SLC30A6: variants seen among roughly 807,000 people sequenced by gnomAD.
The protein encoded by SLC30A6 is zinc transporter 6.
A neutral mutation model predicts 63.0 loss-of-function variants in SLC30A6; 55 were observed. That is an observed-to-expected ratio of 0.87 (90% CI 0.70 to 1.09). SLC30A6 has a LOEUF of 1.09. Among genes scored for constraint, SLC30A6 ranks in the 50% least tolerant of loss-of-function variants. SLC30A6 has a pLI of 0.00. For missense variants in SLC30A6, 587 were observed against 549.2 expected, an observed-to-expected ratio of 1.07 and a Z score of -0.69; for synonymous variants, 224 against 186.1, an observed-to-expected ratio of 1.20 and a Z score of -1.66.
chr2:32,194,118 C>T, intron 8 of SLC30A6, 135 bp downstream of exon 8: 2 of 561,652 alleles, frequency 3.6e-6, no homozygotes, highest in Non-Finnish European at 5.8e-6. Context: ...CAAATGTTCT[C>T]AAGTCTTTTT....
At chr2:32,207,027 T>C (rs1173477478) in intron 12 of SLC30A6, 94 bp downstream of exon 12, 1 of 1,027,252 alleles carries the variant, frequency 9.7e-7, no homozygotes, top group African/African-American at 1.6e-5. Context: ...TACCTAGAAT[T>C]TTATTTGAGG....
chr2:32,212,308 G>C (rs1181182702), intron 13 of SLC30A6, among the ~76,000 whole-genome samples: 1 of 151,818 alleles, frequency 6.6e-6, no homozygotes, highest in Non-Finnish European at 1.5e-5. Flanking sequence ...TAAAAAGTAG[G>C]TTATAGTTTT....
At chr2:32,201,728 C>A in intron 10 of SLC30A6, 2 of 1,326,580 alleles carry the variant, frequency 1.5e-6, no homozygotes, top group Non-Finnish European at 1.1e-6. Context: ...GATTATGGAC[C>A]TGTACTTCCC....
At chr2:32,191,573 ACTG>A (rs1683323467) in intron 5 of SLC30A6, among the ~76,000 whole-genome samples, 1 of 152,256 alleles carries the variant, frequency 6.6e-6, no homozygotes, top group Non-Finnish European at 1.5e-5. Context: ...TTCATAATTC[ACTG>A]TAATTATGTA....
chr2:32,202,271 AAGAC>A (rs1157882817), intron 10 of SLC30A6: 28 of 580,878 alleles, frequency 4.8e-5, no homozygotes, highest in African/African-American at 4.3e-4. Flanking sequence ...ACAGGAAAGA[AAGAC>A]ATTCTATTTT....
chr2:32,209,518 A>G lies in SLC30A6; in HGVS notation c.842A>G (p.Glu281Gly). The change falls in exon 13 of 14, where the codon GAA becomes GGA. Residue 281 changes from glutamate (E) to glycine (G), a missense_variant. Physicochemically the swap from Glu to Gly is moderately conservative, Grantham distance 98. Coordinates refer to ENST00000282587, the MANE Select transcript of SLC30A6 (RefSeq NM_017964.5). ...REVSTLDGVL[E>G]VRNEHFWTLG... ...GTATCTACCTTAGATGGAGTTTTAG[A>G]AGTCCGAAATGAACATTTTTGGACC... is the stretch of plus-strand genomic sequence containing the variant. The G allele has an allele frequency of 6.2e-7, 1 of 1,613,098 alleles. No homozygotes were observed. The highest frequency in any genetic ancestry group is 8.5e-7 in the Non-Finnish European group (1 of 1,179,708).
At chr2:32,173,572 A>G (rs1435159743) in intron 2 of SLC30A6, among the ~76,000 whole-genome samples, 1 of 152,070 alleles carries the variant, frequency 6.6e-6, no homozygotes, top group Non-Finnish European at 1.5e-5. Context: ...GGGTTTCACC[A>G]TGTTGGCTAG....
chr2:32,203,322 G>A (rs1353277566), intron 10 of SLC30A6: 1 of 921,296 alleles, frequency 1.1e-6, no homozygotes, highest in Non-Finnish European at 1.8e-6. Flanking sequence ...CAAAAAGTAG[G>A]AATTACTTTT....
chr2:32,195,951 G>C (rs1292118221), intron 8 of SLC30A6, among the ~76,000 whole-genome samples: 1 of 152,130 alleles, frequency 6.6e-6, no homozygotes, highest in Non-Finnish European at 1.5e-5. Flanking sequence ...TCAGGAGGCT[G>C]AGGTGGTTGT....
At position 32,215,525 on chromosome 2, in the gene SLC30A6, T is replaced by A. The variant is rs1347401698; in HGVS notation, c.886-4688T>A. On this transcript the variant is annotated intron_variant, in intron 13 of 13. Transcript: ENST00000282587. ...TTATATATATATATATATTTTTTTT[T>A]TTTTTTTAAGTTCTTATTAGGCAAA... 4.4e-4 allele frequency among the ~76,000 whole-genome samples: 65 copies of A among 147,148 alleles called. 1 individual carries two copies. The highest frequency in any genetic ancestry group is 9.8e-4 in the East Asian group (5 of 5,116).
At chr2:32,182,127 G>T (rs1049915336) in intron 4 of SLC30A6, among the ~76,000 whole-genome samples, 2 of 151,558 alleles carry the variant, frequency 1.3e-5, no homozygotes, top group African/African-American at 2.4e-5. Flanking sequence ...TGGTGATGGG[G>T]TCTCGACATG....
At chr2:32,190,207 C>G (rs540198849) in intron 5 of SLC30A6, among the ~76,000 whole-genome samples, 1 of 152,076 alleles carries the variant, frequency 6.6e-6, no homozygotes, top group South Asian at 2.1e-4. Context: ...GCATGTAATC[C>G]TAGCACTTTG....
chr2:32,204,740 C>G, intron 11 of SLC30A6, 48 bp downstream of exon 11: 1 of 1,154,720 alleles, frequency 8.7e-7, no homozygotes, highest in Non-Finnish European at 1.2e-6. Context: ...CCATGTTCTT[C>G]TACCAGATTA....
intron 10 of SLC30A6, chr2:32,201,845 C>CA (rs1249448122): frequency 7.0e-7 from 1 of 1,436,514 alleles, no homozygotes; most frequent in African/African-American, 1.4e-5. Flanking sequence ...GATGAGAAAT[C>CA]AGAAACAAGA....
At chr2:32,203,142 G>A in intron 10 of SLC30A6, 1 of 1,272,644 alleles carries the variant, frequency 7.9e-7, no homozygotes, top group East Asian at 2.3e-5. Context: ...AACCAACGTG[G>A]CTGCCTGTGG....
intron 3 of SLC30A6, 97 bp downstream of exon 3, chr2:32,174,244 A>T: frequency 1.2e-6 from 1 of 817,628 alleles, no homozygotes; most frequent in Non-Finnish European, 1.9e-6. Flanking sequence ...ATTATTCTGA[A>T]ATGTATATAA....
chr2:32,190,430 G>A (rs1369259645), intron 5 of SLC30A6, among the ~76,000 whole-genome samples: 1 of 149,390 alleles, frequency 6.7e-6, no homozygotes, highest in African/African-American at 2.5e-5. Flanking sequence ...TTGCTCTCCA[G>A]CCTGGGCGAC....
chr2:32,202,392 G>A, intron 10 of SLC30A6: 1 of 273,592 alleles, frequency 3.7e-6, no homozygotes, highest in Non-Finnish European at 7.0e-6. Context: ...CGCCCAGGCT[G>A]GATCTCGGCT....
At chr2:32,203,965 C>A in intron 10 of SLC30A6, 1 of 755,976 alleles carries the variant, frequency 1.3e-6, no homozygotes, top group Non-Finnish European at 2.3e-6. Context: ...GAATAGAAAT[C>A]GATCAAGAAG....
Sources: gnomAD v4.1 joint callset for allele counts (sites outside exome capture counted in the v4.1 genomes callset) on GRCh38, gnomAD v4.1.1 for gene constraint, MANE v1.5 for transcripts, NCBI Gene and HGNC (gene_info 2026-07-23, HGNC 2026-07-21) for gene names.